Variants in NWD2 observed in about 807,000 individuals in gnomAD.
NWD2 encodes NACHT and WD repeat domain-containing protein 2.
NWD2 carries 37 observed loss-of-function variants against 132.7 expected under a neutral mutation model. The ratio of observed to expected loss-of-function variants is 0.28; its 90% confidence interval spans 0.21 to 0.37. The LOEUF (loss-of-function observed/expected upper bound fraction) is 0.37. NWD2 is among the 10% of genes least tolerant of loss of function. The pLI is 1.00. For synonymous variants in NWD2, 705 were observed against 803.0 expected, an observed-to-expected ratio of 0.88 and a Z score of 2.06; for missense variants, 1,592 against 2,122.4, an observed-to-expected ratio of 0.75 and a Z score of 4.91.
intron 3 of NWD2, among the ~76,000 whole-genome samples, chr4:37,425,890 G>A (rs1249720900): frequency 6.6e-6 from 1 of 152,134 alleles, no homozygotes; most frequent in Non-Finnish European, 1.5e-5. Context: ...TACTCCCCAT[G>A]GCTGCAGATC....
At chr4:37,359,886 G>C (rs1322478246) in intron 3 of NWD2, among the ~76,000 whole-genome samples, 2 of 152,186 alleles carry the variant, frequency 1.3e-5, no homozygotes, top group Non-Finnish European at 2.9e-5. Context: ...AGATGAAGGT[G>C]CTAGAGTGAG....
At chr4:37,307,152 G>C (rs1203841463) in intron 1 of NWD2, among the ~76,000 whole-genome samples, 1 of 152,140 alleles carries the variant, frequency 6.6e-6, no homozygotes, top group East Asian at 1.9e-4. Flanking sequence ...TCCAATGTTG[G>C]CTGCAGTTTG....
chr4:37,348,009 A>G (rs969144455), intron 2 of NWD2, among the ~76,000 whole-genome samples: 3 of 152,320 alleles, frequency 2.0e-5, no homozygotes, highest in East Asian at 1.9e-4. Flanking sequence ...ATGTTGTAAC[A>G]ATTATGATTT....
chr4:37,345,825 T>A (rs1229527584), intron 2 of NWD2, among the ~76,000 whole-genome samples: 1 of 152,140 alleles, frequency 6.6e-6, no homozygotes, highest in Non-Finnish European at 1.5e-5. Flanking sequence ...CTCATGCCTG[T>A]AATCGAGCAC....
At chr4:37,294,881 A>G (rs1718443996) in intron 1 of NWD2, among the ~76,000 whole-genome samples, 1 of 152,182 alleles carries the variant, frequency 6.6e-6, no homozygotes, top group Admixed American at 6.5e-5. Context: ...AACCACAGAA[A>G]CAGTTTGTGG....
At chr4:37,317,846 A>G (rs544398245) in intron 1 of NWD2, among the ~76,000 whole-genome samples, 5 of 152,312 alleles carry the variant, frequency 3.3e-5, no homozygotes, top group African/African-American at 1.2e-4. Context: ...ATAGTCAACT[A>G]TTACTTGAAA....
At chr4:37,298,659 C>G (rs1178958190) in intron 1 of NWD2, among the ~76,000 whole-genome samples, 3 of 152,060 alleles carry the variant, frequency 2.0e-5, no homozygotes, top group Non-Finnish European at 4.4e-5. Context: ...ACTATGGAAA[C>G]AGAAAATCAT....
chr4:37,265,343 A>G (rs958994927), intron 1 of NWD2, among the ~76,000 whole-genome samples: 3 of 152,150 alleles, frequency 2.0e-5, no homozygotes, highest in Admixed American at 6.6e-5. Flanking sequence ...AGTTACTAAC[A>G]TTGACATCTG....
rs527753748 is a variant in NWD2 at position 37,305,035 on chromosome 4, T to C, written c.152-20901T>C. On this transcript the variant is annotated intron_variant, in intron 1 of 6. Transcript: ENST00000309447. The stretch of plus-strand genomic sequence containing the variant: ...TTCCATACATCCTCTGAAATCTAGG[T>C]GGAGGTTCTCAAACCCCAGTTCTTG... Among the ~76,000 whole-genome samples, 55 of 152,326 alleles carry C rather than the reference T, an allele frequency of 3.6e-4. No homozygotes were observed. In the South Asian group the frequency reaches 9.5e-3, roughly 26 times the overall value.
At chr4:37,257,457 A>G (rs1717543134) in intron 1 of NWD2, among the ~76,000 whole-genome samples, 1 of 152,226 alleles carries the variant, frequency 6.6e-6, no homozygotes, top group Non-Finnish European at 1.5e-5. Flanking sequence ...CAACTGAAAA[A>G]TTGGAGCAAT....
chr4:37,252,802 G>A (rs1433370872), intron 1 of NWD2, among the ~76,000 whole-genome samples: 1 of 152,164 alleles, frequency 6.6e-6, no homozygotes, highest in East Asian at 1.9e-4. Flanking sequence ...GAAAGGAAAT[G>A]GAAGCTGCCC....
At chr4:37,296,624 G>C (rs1177011484) in intron 1 of NWD2, among the ~76,000 whole-genome samples, 1 of 152,080 alleles carries the variant, frequency 6.6e-6, no homozygotes, top group Non-Finnish European at 1.5e-5. Context: ...CCCACTTATA[G>C]GTGGGAACTA....
chr4:37,319,548 A>G (rs1332821091), intron 1 of NWD2, among the ~76,000 whole-genome samples: 2 of 152,136 alleles, frequency 1.3e-5, no homozygotes, highest in Non-Finnish European at 2.9e-5. Context: ...TTCTTGCCCA[A>G]TGCAAATGTT....
At chr4:37,247,379 C>G (rs990781766) in intron 1 of NWD2, among the ~76,000 whole-genome samples, 6 of 152,188 alleles carry the variant, frequency 3.9e-5, no homozygotes, top group African/African-American at 1.4e-4. Context: ...TGAAGAGCCT[C>G]TCTACTGTCA....
At chr4:37,419,302 A>G (rs966159816) in intron 3 of NWD2, among the ~76,000 whole-genome samples, 72 of 152,354 alleles carry the variant, frequency 4.7e-4, no homozygotes, top group African/African-American at 1.7e-3. Context: ...AAGTCCTGGA[A>G]TAAAACCTGG....
chr4:37,267,857 A>G (rs1045223121), intron 1 of NWD2, among the ~76,000 whole-genome samples: 6 of 151,930 alleles, frequency 3.9e-5, no homozygotes, highest in Admixed American at 2.0e-4. Flanking sequence ...GAAATGGAAC[A>G]TTTAAGAGAT....
chr4:37,381,673 A>G (rs1352903402), intron 3 of NWD2, among the ~76,000 whole-genome samples: 2 of 152,210 alleles, frequency 1.3e-5, no homozygotes, highest in African/African-American at 2.4e-5. Context: ...TCTGTATTCT[A>G]TTTCCCATCC....
At chr4:37,264,499 G>T (rs1037828533) in intron 1 of NWD2, among the ~76,000 whole-genome samples, 29 of 152,048 alleles carry the variant, frequency 1.9e-4, no homozygotes, top group Non-Finnish European at 4.0e-4. Flanking sequence ...GCCCAAGGAG[G>T]TTGAATATAT....
chr4:37,292,397 A>G (rs1036291572), intron 1 of NWD2, among the ~76,000 whole-genome samples: 1 of 152,188 alleles, frequency 6.6e-6, no homozygotes. Context: ...TCATGTGAGG[A>G]CGCAGCAGGA....
Sources: allele counts gnomAD v4.1 joint callset (sites outside exome capture counted in the v4.1 genomes callset), GRCh38; gene constraint gnomAD v4.1.1; transcripts MANE v1.5; gene names NCBI Gene and HGNC (gene_info 2026-07-23, HGNC 2026-07-21).